The following UBE2D2 variants were observed in gnomAD, a reference collection of about 807,000 sequenced individuals.
UBE2D2 encodes ubiquitin-conjugating enzyme E2 D2.
In UBE2D2, 2 loss-of-function variants were observed where a neutral mutation model predicts 24.2. That is an observed-to-expected ratio of 0.08 (90% confidence interval 0.03 to 0.26). UBE2D2 has a LOEUF of 0.26. Among genes scored for constraint, UBE2D2 ranks in the 10% least tolerant of loss-of-function variants. UBE2D2 has a pLI of 1.00. For missense variants in UBE2D2, 44 were observed against 177.6 expected, an observed-to-expected ratio of 0.25 and a Z score of 4.28; for synonymous variants, 58 against 56.5, an observed-to-expected ratio of 1.03 and a Z score of -0.12.
At chr5:139,583,240 G>A (rs1257528309) in intron 1 of UBE2D2, among the ~76,000 whole-genome samples, 1 of 152,058 alleles carries the variant, frequency 6.6e-6, no homozygotes, top group East Asian at 1.9e-4. Flanking sequence ...CTCTCAGAGT[G>A]TTGGGATTAC....
chr5:139,562,930 T>G (rs558351862), intron 1 of UBE2D2, among the ~76,000 whole-genome samples: 36 of 152,324 alleles, frequency 2.4e-4, no homozygotes, highest in Non-Finnish European at 4.4e-4. Context: ...GTAGCTACTT[T>G]TTTCTTCAAT....
At position 139,626,836 on chromosome 5, in the gene UBE2D2, G is replaced by C; in HGVS notation, c.*35G>C. The C allele has an allele frequency of 6.4e-7, 1 of 1,574,066 alleles. No individual in the cohort carries two copies. Among genetic ancestry groups the C allele is most frequent in the Non-Finnish European group, 8.7e-7 (1 of 1,148,610 alleles). ...TTATTGGATAACCTCTACAAATAAA[G>C]ATAGGGGAACTCTGAAAGAGAAAGT... On this transcript the variant is annotated 3_prime_UTR_variant, in exon 7 of 7. Transcript: ENST00000398733.
intron 1 of UBE2D2, among the ~76,000 whole-genome samples, chr5:139,540,569 T>A (rs1392653460): frequency 1.4e-5 from 2 of 146,646 alleles, no homozygotes; most frequent in African/African-American, 2.6e-5. Context: ...AAAAGAATAA[T>A]AGCTATCTAA....
intron 1 of UBE2D2, among the ~76,000 whole-genome samples, chr5:139,597,716 C>T (rs1213164366): frequency 6.6e-6 from 1 of 152,100 alleles, no homozygotes; most frequent in Non-Finnish European, 1.5e-5. Context: ...TAAATAAAGC[C>T]AGGTGTTCTT....
chr5:139,585,027 T>C (rs145090925), intron 1 of UBE2D2, among the ~76,000 whole-genome samples: 1 of 150,500 alleles, frequency 6.6e-6, no homozygotes, highest in African/African-American at 2.4e-5. Context: ...CAGCCTCCCA[T>C]GTAGCTGGGA....
upstream of UBE2D2, among the ~76,000 whole-genome samples, chr5:139,559,339 A>G (rs562641572): frequency 3.3e-4 from 50 of 151,878 alleles, no homozygotes; most frequent in African/African-American, 1.1e-3. Context: ...AGGCGGGAGA[A>G]TGGCCTGAAC....
chr5:139,542,411 T>C (rs552291474), intron 1 of UBE2D2, among the ~76,000 whole-genome samples: 1 of 152,264 alleles, frequency 6.6e-6, no homozygotes, highest in South Asian at 2.1e-4. Context: ...CTCTTTCACC[T>C]TGGGCTGGAG....
At chr5:139,591,151 C>T (rs1315903893) in intron 1 of UBE2D2, among the ~76,000 whole-genome samples, 1 of 140,242 alleles carries the variant, frequency 7.1e-6, no homozygotes, top group Non-Finnish European at 1.5e-5. Flanking sequence ...GACGGAGTTT[C>T]GCTGTTGTTG....
intron 1 of UBE2D2, among the ~76,000 whole-genome samples, chr5:139,575,610 A>G (rs1212791090): frequency 1.3e-5 from 2 of 152,204 alleles, no homozygotes; most frequent in African/African-American, 4.8e-5. Context: ...TCTCTTAAAC[A>G]TCTTATTATA....
At chr5:139,587,347 CAGT>C (rs1753751404) in intron 1 of UBE2D2, among the ~76,000 whole-genome samples, 3 of 152,086 alleles carry the variant, frequency 2.0e-5, no homozygotes, top group Admixed American at 2.0e-4. Context: ...CAGCAGCAAA[CAGT>C]AGTGGTGGAA....
chr5:139,528,689 A>G (rs1251171512), intron 1 of UBE2D2, among the ~76,000 whole-genome samples: 1 of 152,234 alleles, frequency 6.6e-6, no homozygotes, highest in African/African-American at 2.4e-5. Context: ...ACTAGATACC[A>G]AAGCTTGCTC....
intron 5 of UBE2D2, 103 bp downstream of exon 5, chr5:139,615,069 T>G (rs1021412238): frequency 8.7e-7 from 1 of 1,148,410 alleles, no homozygotes; most frequent in Non-Finnish European, 1.2e-6. Flanking sequence ...TAAGAAGAGA[T>G]AGCAATTCTT....
chr5:139,546,859 TTCCTTCCTTCC>T (rs1477960119), intron 1 of UBE2D2, among the ~76,000 whole-genome samples: 1 of 145,436 alleles, frequency 6.9e-6, no homozygotes, highest in Non-Finnish European at 1.5e-5. Context: ...CCTTCCTTCC[TTCCTTCCTTCC>T]TTTCTTTCCT....
Position 139,543,721 on chromosome 5 carries a change from G to A in UBE2D2, c.-64+17109G>A, listed in dbSNP as rs1752787776. ...ACCAGATCCCAATTCTTTCCTGAGAGCAGTGCTGAAGTGACAATAGGCCCA... is the reference window on the plus strand; with the variant it reads ...ACCAGATCCCAATTCTTTCCTGAGAACAGTGCTGAAGTGACAATAGGCCCA... On this transcript the variant is annotated intron_variant, in intron 1 of 6. Coordinates refer to the UBE2D2 transcript ENST00000511725. Among the ~76,000 whole-genome samples, 5 of 152,356 alleles carry A rather than the reference G, an allele frequency of 3.3e-5. No individual in the cohort carries two copies. The South Asian group carries it at 1.0e-3, about 32-fold the overall frequency.
At chr5:139,549,593 G>A (rs1163205393) in intron 1 of UBE2D2, among the ~76,000 whole-genome samples, 1 of 152,212 alleles carries the variant, frequency 6.6e-6, no homozygotes, top group African/African-American at 2.4e-5. Flanking sequence ...GGCAGGGCTA[G>A]GGATCTGCAG....
rs942755264 is a variant in UBE2D2, at chr5:139,561,511, GA to G, written c.-280del. ...CTGCGGCGGTTTAGGAGGCGGCGCT[GA>G]TCCTGGGAGGAAGAGGCAGCTACGG... On this transcript the variant is annotated 5_prime_UTR_variant, in exon 1 of 7. Transcript: ENST00000398733. 3.7e-5 allele frequency: 15 copies of G among 404,014 alleles called. No homozygotes were observed. The highest frequency in any genetic ancestry group is 5.3e-5 in the Non-Finnish European group (12 of 227,924). 25.0% of individuals were successfully genotyped at this position (404,014 alleles called of 1,614,324 possible).
At chr5:139,540,801 C>T (rs1023948545) in intron 1 of UBE2D2, among the ~76,000 whole-genome samples, 1 of 149,400 alleles carries the variant, frequency 6.7e-6, no homozygotes, top group African/African-American at 2.5e-5. Context: ...GAGCAGCCTG[C>T]CCAACATGGC....
chr5:139,616,621 G>A (rs1200544910), intron 5 of UBE2D2, among the ~76,000 whole-genome samples: 2 of 152,148 alleles, frequency 1.3e-5, no homozygotes, highest in Middle Eastern at 3.2e-3. Context: ...ACACTAATGA[G>A]GTACATTGAA....
At chr5:139,607,112 C>T (rs923508612) in intron 2 of UBE2D2, among the ~76,000 whole-genome samples, 1 of 152,180 alleles carries the variant, frequency 6.6e-6, no homozygotes, top group African/African-American at 2.4e-5. Context: ...CCTACTTGAG[C>T]TATTTCTAAA....
Sources: allele counts gnomAD v4.1 joint callset (sites outside exome capture counted in the v4.1 genomes callset), GRCh38; gene constraint gnomAD v4.1.1; transcripts MANE v1.5; gene names NCBI Gene and HGNC (gene_info 2026-07-23, HGNC 2026-07-21).